The following KANSL1L variants were observed in gnomAD, a reference collection of about 807,000 sequenced individuals.
KANSL1L encodes KAT8 regulatory NSL complex subunit 1 like.
Under a neutral mutation model 108.6 loss-of-function variants are expected in KANSL1L, and 25 were observed. That is an observed-to-expected ratio of 0.23 (90% CI 0.17 to 0.32). The LOEUF is 0.32. Among genes scored for constraint, KANSL1L ranks in the 10% least tolerant of loss-of-function variants. KANSL1L has a pLI of 1.00. For synonymous variants in KANSL1L, 405 were observed against 395.1 expected (o/e 1.03, Z -0.30); for missense variants, 1,137 against 1,125.7 (o/e 1.01, Z -0.14).
chr2:210,033,067 C>T (rs1426485487), intron 8 of KANSL1L: 1 of 152,032 alleles, frequency 6.6e-6, no homozygotes, highest in Non-Finnish European at 1.5e-5. Context: ...CTTGATGGAA[C>T]AGAGTGATAG....
intron 1 of KANSL1L, among the ~76,000 whole-genome samples, chr2:210,160,785 G>T (rs868648043): frequency 6.6e-6 from 1 of 152,120 alleles, no homozygotes; most frequent in African/African-American, 2.4e-5. Context: ...ACATTTTGCT[G>T]ATATCTACAA....
intron 6 of KANSL1L, among the ~76,000 whole-genome samples, chr2:210,056,460 G>A (rs144406388): frequency 1.2e-3 from 178 of 152,236 alleles, no homozygotes; most frequent in African/African-American, 3.9e-3. Flanking sequence ...CATTTGATGA[G>A]GATTTATATG....
intron 2 of KANSL1L, among the ~76,000 whole-genome samples, chr2:210,137,299 A>G (rs1288818967): frequency 6.6e-6 from 1 of 152,216 alleles, no homozygotes; most frequent in Non-Finnish European, 1.5e-5. Flanking sequence ...TAGGACTTTT[A>G]GCATTTTGTT....
intron 11 of KANSL1L, 61 bp from the exon 12 acceptor site, chr2:210,027,411 A>G: frequency 1.8e-6 from 2 of 1,082,366 alleles, no homozygotes; most frequent in Non-Finnish European, 2.9e-6. Flanking sequence ...GCAATTTTAT[A>G]CTCAGCACAG....
chr2:210,109,374 C>T (rs1559563486), intron 3 of KANSL1L, among the ~76,000 whole-genome samples: 1 of 152,224 alleles, frequency 6.6e-6, no homozygotes, highest in African/African-American at 2.4e-5. Context: ...CTGATCCCTT[C>T]CCTTCTCAGC....
At chr2:210,141,719 TG>T (rs1337754446) in intron 2 of KANSL1L, among the ~76,000 whole-genome samples, 1 of 152,214 alleles carries the variant, frequency 6.6e-6, no homozygotes, top group Non-Finnish European at 1.5e-5. Context: ...TTATCATATA[TG>T]GCCTTTATTG....
intron 2 of KANSL1L, among the ~76,000 whole-genome samples, chr2:210,132,134 TTAA>T (rs2095126970): frequency 6.6e-6 from 1 of 152,180 alleles, no homozygotes; most frequent in Non-Finnish European, 1.5e-5. Flanking sequence ...AATAAGATTG[TTAA>T]TAATTAAGAT....
intron 5 of KANSL1L, chr2:210,079,944 G>T (rs949406749): frequency 6.6e-6 from 1 of 150,914 alleles, no homozygotes; most frequent in African/African-American, 2.4e-5. Flanking sequence ...AGTGAGAGTG[G>T]GTTTCAGGCT....
At chr2:210,063,808 T>G (rs1384085691) in intron 6 of KANSL1L, 1 of 152,224 alleles carries the variant, frequency 6.6e-6, no homozygotes, top group African/African-American at 2.4e-5. Context: ...GGGAATTGCC[T>G]TATTTCGAAT....
intron 6 of KANSL1L, among the ~76,000 whole-genome samples, chr2:210,053,671 C>T (rs903881560): frequency 6.6e-6 from 1 of 150,998 alleles, no homozygotes; most frequent in Non-Finnish European, 1.5e-5. Flanking sequence ...TGACTCAAAA[C>T]CCAAAAAGTA....
chr2:210,063,896 G>C (rs913026697), intron 6 of KANSL1L: 1 of 152,170 alleles, frequency 6.6e-6, no homozygotes, highest in Non-Finnish European at 1.5e-5. Context: ...AGGCATGATT[G>C]GTTTTGAAAT....
intron 12 of KANSL1L, 115 bp downstream of exon 12, chr2:210,027,178 GAAA>G (rs1257115240): frequency 1.6e-6 from 1 of 634,620 alleles, no homozygotes; most frequent in South Asian, 2.4e-5. Context: ...TAAGTGAAAA[GAAA>G]AAAATCAGTG....
intron 2 of KANSL1L, among the ~76,000 whole-genome samples, chr2:210,132,376 G>A (rs928434670): frequency 2.0e-5 from 3 of 152,100 alleles, no homozygotes; most frequent in African/African-American, 7.2e-5. Context: ...TCTAGAGTGT[G>A]CAAAACTGAT....
intron 8 of KANSL1L, among the ~76,000 whole-genome samples, chr2:210,036,125 C>A (rs926692666): frequency 6.6e-6 from 1 of 152,112 alleles, no homozygotes; most frequent in Non-Finnish European, 1.5e-5. Flanking sequence ...TTCTCATCTC[C>A]CTGAACCTCT....
At position 210,023,986 on chromosome 2, in the gene KANSL1L, G is replaced by T. The variant is rs1159753504; in HGVS notation, c.2733+47C>A. On this transcript the variant is annotated intron_variant, in intron 14 of 14. Coordinates refer to ENST00000281772, the MANE Select transcript of KANSL1L (RefSeq NM_152519.4). ...TTCAAGTAGTTTCTACAAACAAGTA[G>T]TTAAAAGTCAAGGAATGGGAAGTTT... The T allele has an allele frequency of 2.0e-5, 26 of 1,315,576 alleles. 1 individual carries two copies. The highest frequency in any genetic ancestry group is 2.4e-5 in the Non-Finnish European group (23 of 976,122). 81.5% of individuals were successfully genotyped at this position (1,315,576 alleles called of 1,614,324 possible). A position where few individuals can be genotyped will look rare whatever the true frequency, so the allele number is the denominator to read the frequency against.
chr2:210,026,497 A>C (rs912223418), intron 12 of KANSL1L: 2 of 152,228 alleles, frequency 1.3e-5, no homozygotes, highest in Non-Finnish European at 2.9e-5. Context: ...TCAACTATGA[A>C]TATTTCACTA....
At chr2:210,094,819 T>C (rs954383368) in intron 5 of KANSL1L, among the ~76,000 whole-genome samples, 2 of 151,432 alleles carry the variant, frequency 1.3e-5, no homozygotes, top group African/African-American at 4.9e-5. Flanking sequence ...TATTTATAGT[T>C]AAGGGATTAA....
rs767895729 is a variant in KANSL1L, at chr2:210,154,179, T to C, written c.404A>G (p.Lys135Arg). 1 of 1,613,982 alleles carries C rather than the reference T, an allele frequency of 6.2e-7. No individual in the cohort carries two copies. The highest frequency in any genetic ancestry group is 1.7e-5 in the Admixed American group (1 of 60,020). ...CLSHSEEFIK[K>R]EPLSDTTSQC... ...GCTCGTGGTATCTGATAGAGGCTCC[T>C]TTTTGATGAACTCTTCAGAATGAGA... Residue 135 changes from lysine (K) to arginine (R), a missense_variant, in exon 2 of 15, where the codon AAG becomes AGG. Lys to Arg is a conservative substitution (Grantham distance 26). This residue lies in a region of KANSL1L where 556 missense variants were observed against 537.7 expected (regional missense o/e 1.03). Transcript: ENST00000281772.
chr2:210,119,334 C>T (rs1575568337), intron 3 of KANSL1L, among the ~76,000 whole-genome samples: 1 of 152,248 alleles, frequency 6.6e-6, no homozygotes, highest in East Asian at 1.9e-4. Flanking sequence ...CAAAGTCATT[C>T]TACAAGGACA....
Sources: allele counts gnomAD v4.1 joint callset (sites outside exome capture counted in the v4.1 genomes callset), GRCh38; gene constraint gnomAD v4.1.1; regional missense constraint gnomAD v4.1.1; transcripts MANE v1.5; gene names NCBI Gene and HGNC (gene_info 2026-07-23, HGNC 2026-07-21).